Variants in ADGRV1 observed in about 807,000 individuals in gnomAD.
ADGRV1 encodes the protein adhesion G protein-coupled receptor V1.
Under a neutral mutation model 596.2 loss-of-function variants are expected in ADGRV1, and 359 were observed. That is an observed-to-expected ratio of 0.60 (90% CI 0.55 to 0.66). The LOEUF is 0.66. Among genes scored for constraint, ADGRV1 ranks in the 30% least tolerant of loss-of-function variants. The pLI is 0.00. For missense variants in ADGRV1, 7,274 were observed against 7,575.6 expected (o/e 0.96, Z 1.48); for synonymous variants, 2,681 against 2,679.2 (o/e 1.00, Z -0.02).
chr5:91,047,409 G>T (rs1785928771), intron 85 of ADGRV1, among the ~76,000 whole-genome samples: 1 of 152,140 alleles, frequency 6.6e-6, no homozygotes, highest in Admixed American at 6.5e-5. Flanking sequence ...AAGCTGAGGA[G>T]CAACGAAGCC....
At chr5:90,726,284 A>G (rs1164649416) in intron 48 of ADGRV1, among the ~76,000 whole-genome samples, 1 of 152,104 alleles carries the variant, frequency 6.6e-6, no homozygotes, top group East Asian at 1.9e-4. Context: ...CCTTGTCCTT[A>G]TAAGGTTTAG....
intron 82 of ADGRV1, among the ~76,000 whole-genome samples, chr5:90,859,088 T>A (rs534923349): frequency 6.6e-5 from 10 of 152,236 alleles, no homozygotes; most frequent in Non-Finnish European, 1.2e-4. Flanking sequence ...TTCCGAACAT[T>A]GCCCAGCAGT....
At chr5:90,681,263 A>G (rs1406176928) in intron 26 of ADGRV1, 52 bp from the exon 27 acceptor site, 3 of 1,587,488 alleles carry the variant, frequency 1.9e-6, no homozygotes, top group Admixed American at 1.8e-5. Flanking sequence ...TTTGATTTGT[A>G]AATTACTGAT....
intron 1 of ADGRV1, among the ~76,000 whole-genome samples, chr5:90,586,148 G>C (rs1758729507): frequency 6.6e-6 from 1 of 152,128 alleles, no homozygotes; most frequent in African/African-American, 2.4e-5. Flanking sequence ...CACAAAAGTA[G>C]AATAGTAAAA....
chr5:90,628,669 T>G lies in ADGRV1; in HGVS notation c.1346T>G (p.Ile449Ser). ...STDPSPVTAD[I>S]RPSSGVLHFA... ...GATCCCTCACCAGTAACAGCAGATA[T>G]CAGACCGAGCTCTGGAGTTCTCCAT... is the stretch of plus-strand genomic sequence containing the variant. Residue 449 changes from isoleucine (I) to serine (S), a missense_variant, in exon 8 of 90, where the codon ATC becomes AGC. By Grantham distance (142) the Ile-to-Ser change is moderately radical. Transcript: ENST00000405460. 6.2e-7 allele frequency: 1 copy of G among 1,614,008 alleles called. No individual in the cohort carries two copies.
intron 85 of ADGRV1, among the ~76,000 whole-genome samples, chr5:91,058,782 TC>T: frequency 6.6e-6 from 1 of 152,180 alleles, no homozygotes; most frequent in Non-Finnish European, 1.5e-5. Flanking sequence ...GGGAAAGTTT[TC>T]CTCCTTCCCC....
At chr5:91,136,311 G>A (rs1437183210) in intron 87 of ADGRV1, among the ~76,000 whole-genome samples, 2 of 152,086 alleles carry the variant, frequency 1.3e-5, no homozygotes, top group African/African-American at 2.4e-5. Flanking sequence ...AGTGCCTTAA[G>A]GAAGGTGGTC....
chr5:90,647,545 G>C lies in ADGRV1; in HGVS notation c.3070G>C (p.Val1024Leu). Residue 1024 changes from valine to leucine, a missense_variant, in exon 17 of 90, where the codon GTT becomes CTT. Physicochemically the swap from Val to Leu is conservative, Grantham distance 32. Coordinates refer to ENST00000405460, the MANE Select transcript of ADGRV1 (RefSeq NM_032119.4). ...VQEGETANFT[V>L]LRNGSVDVTC... ...GGAAGGTGAGACTGCCAACTTTACA[G>C]TTCTCAGAAATGGATCTGTTGATGT... The C allele has an allele frequency of 6.2e-7, 1 of 1,613,862 alleles. No homozygotes were observed.
At chr5:90,658,379 T>C in intron 21 of ADGRV1, 101 bp downstream of exon 21, 1 of 1,097,074 alleles carries the variant, frequency 9.1e-7, no homozygotes, top group Non-Finnish European at 1.3e-6. Context: ...GTTGCGCATC[T>C]ACTCCAAGTC....
Position 90,756,574 on chromosome 5 carries a change from A to G in ADGRV1, c.11701A>G (p.Ile3901Val), listed in dbSNP as rs1192756356. 3.1e-6 allele frequency: 5 copies of G among 1,613,718 alleles called. No homozygotes were observed. The highest frequency in any genetic ancestry group is 2.5e-6 in the Non-Finnish European group (3 of 1,179,742). Reference protein sequence around the residue: ...VRRPGMEIAEIMIEENDDPRG... With the variant: ...VRRPGMEIAEVMIEENDDPRG... ...GAGGCCCGGAATGGAAATAGCTGAGATAATGATAGAAGAAAATGACGATCC... is the reference window on the plus strand; with the variant it reads ...GAGGCCCGGAATGGAAATAGCTGAGGTAATGATAGAAGAAAATGACGATCC... The change falls in exon 56 of 90, where the codon ATA (isoleucine) becomes GTA (valine). Residue 3901 changes from isoleucine to valine, a missense_variant. Ile to Val is a conservative substitution (Grantham distance 29). Around this residue, in one of 5 missense-constraint regions of ADGRV1, gnomAD observed 3,643 missense variants for 3,809.2 expected, o/e 0.96. Transcript: ENST00000405460.
At chr5:90,831,493 A>G (rs1232116491) in intron 77 of ADGRV1, among the ~76,000 whole-genome samples, 1 of 152,128 alleles carries the variant, frequency 6.6e-6, no homozygotes, top group Admixed American at 6.6e-5. Flanking sequence ...ACAGGCATAC[A>G]ATGCATAATA....
chr5:90,633,682 T>C (rs987043602), intron 9 of ADGRV1, among the ~76,000 whole-genome samples: 4 of 152,140 alleles, frequency 2.6e-5, no homozygotes, highest in African/African-American at 9.6e-5. Context: ...ACTTTAATTA[T>C]TTATCTTTAC....
intron 22 of ADGRV1, chr5:90,672,996 A>G (rs1772700641): frequency 5.8e-6 from 2 of 344,460 alleles, no homozygotes; most frequent in African/African-American, 2.1e-5. Context: ...GTCTCCTATG[A>G]TAGATTGGGA....
At chr5:91,059,881 A>G (rs1787243165) in intron 85 of ADGRV1, among the ~76,000 whole-genome samples, 1 of 152,192 alleles carries the variant, frequency 6.6e-6, no homozygotes, top group Non-Finnish European at 1.5e-5. Flanking sequence ...GACACATAAA[A>G]ATGATAAATA....
intron 25 of ADGRV1, among the ~76,000 whole-genome samples, chr5:90,677,669 A>G (rs1188969916): frequency 1.3e-5 from 2 of 152,198 alleles, no homozygotes; most frequent in Non-Finnish European, 2.9e-5. Flanking sequence ...GACACTTGTT[A>G]TATTATTGAG....
chr5:90,587,209 T>A (rs1418995488), intron 1 of ADGRV1, among the ~76,000 whole-genome samples: 1 of 152,198 alleles, frequency 6.6e-6, no homozygotes, highest in East Asian at 1.9e-4. Flanking sequence ...GCTTTCATGT[T>A]TCTCTTGTGA....
At chr5:90,696,686 A>C (rs968401899) in intron 33 of ADGRV1, among the ~76,000 whole-genome samples, 3 of 152,050 alleles carry the variant, frequency 2.0e-5, no homozygotes, top group African/African-American at 7.2e-5. Context: ...TCTACCTTTT[A>C]ACTTTCCCAT....
intron 50 of ADGRV1, among the ~76,000 whole-genome samples, chr5:90,738,887 G>C (rs1210369285): frequency 6.6e-6 from 1 of 151,822 alleles, no homozygotes; most frequent in African/African-American, 2.4e-5. Context: ...AATGATTCTT[G>C]GTATTTTTTC....
intron 1 of ADGRV1, among the ~76,000 whole-genome samples, chr5:90,586,834 C>T (rs1758820890): frequency 6.6e-6 from 1 of 152,144 alleles, no homozygotes; most frequent in Non-Finnish European, 1.5e-5. Context: ...ATGCTGGCTT[C>T]CTTGATTATT....
Sources: allele counts gnomAD v4.1 joint callset (sites outside exome capture counted in the v4.1 genomes callset), GRCh38; gene constraint gnomAD v4.1.1; regional missense constraint gnomAD v4.1.1; transcripts MANE v1.5; gene names NCBI Gene and HGNC (gene_info 2026-07-23, HGNC 2026-07-21).